The following NRG1 variants were observed in gnomAD, a reference collection of about 807,000 sequenced individuals.
The protein encoded by NRG1 is neuregulin 1, also known as pro-neuregulin-1, membrane-bound isoform.
NRG1 carries 18 observed loss-of-function variants against 63.8 expected under a neutral mutation model. The observed-to-expected ratio is 0.28, with a 90% confidence interval of 0.19 to 0.42. The LOEUF is 0.42. NRG1 is among the 10% of genes least tolerant of loss of function. The pLI, the probability that NRG1 is intolerant of heterozygous loss-of-function variation, is 1.00. For missense variants in NRG1, 762 were observed against 814.7 expected (o/e 0.94, Z 0.79); for synonymous variants, 302 against 301.3 (o/e 1.00, Z -0.02).
At chr8:31,752,082 G>C (rs1816533409) in intron 1 of NRG1, among the ~76,000 whole-genome samples, 1 of 152,008 alleles carries the variant, frequency 6.6e-6, no homozygotes, top group Admixed American at 6.6e-5. Context: ...GCATTGATGA[G>C]AGGTGGAGAA....
intron 1 of NRG1, among the ~76,000 whole-genome samples, chr8:32,565,167 C>T (rs975426484): frequency 1.3e-5 from 2 of 152,290 alleles, no homozygotes; most frequent in Non-Finnish European, 2.9e-5. Context: ...TCATGCATTC[C>T]TTTTTCTTTA....
chr8:32,479,548 A>T (rs1824964182), intron 1 of NRG1, among the ~76,000 whole-genome samples: 1 of 152,190 alleles, frequency 6.6e-6, no homozygotes, highest in African/African-American at 2.4e-5. Context: ...TTCAAAGAAA[A>T]GGAGAGAGTA....
intron 1 of NRG1, among the ~76,000 whole-genome samples, chr8:32,013,949 G>A (rs1166806465): frequency 6.6e-6 from 1 of 152,090 alleles, no homozygotes; most frequent in Non-Finnish European, 1.5e-5. Flanking sequence ...CTCAAAATAG[G>A]AAAAATTGTG....
intron 1 of NRG1, among the ~76,000 whole-genome samples, chr8:31,765,152 AAC>A (rs970740818): frequency 6.6e-6 from 1 of 152,114 alleles, no homozygotes; most frequent in Non-Finnish European, 1.5e-5. Context: ...AGTATATAGA[AAC>A]ACAATTTATT....
At chr8:32,024,009 G>A (rs1219526094) in intron 1 of NRG1, among the ~76,000 whole-genome samples, 5 of 152,098 alleles carry the variant, frequency 3.3e-5, no homozygotes, top group East Asian at 1.9e-4. Context: ...AACATTATGC[G>A]GCCAAGAGGT....
chr8:32,482,065 G>A (rs11783786), intron 1 of NRG1, among the ~76,000 whole-genome samples: 26,784 of 152,076 alleles, frequency 0.18, 2,544 homozygotes, highest in Non-Finnish European at 0.19. Context: ...AAATGATGAC[G>A]CTGTATGAGT....
At chr8:32,246,246 G>C (rs972242053) in intron 1 of NRG1, among the ~76,000 whole-genome samples, 9 of 152,130 alleles carry the variant, frequency 5.9e-5, no homozygotes, top group African/African-American at 1.9e-4. Flanking sequence ...AGAGAAAATA[G>C]AAAGAAGTTT....
At chr8:31,864,280 T>C (rs1828743784) in intron 1 of NRG1, among the ~76,000 whole-genome samples, 1 of 152,188 alleles carries the variant, frequency 6.6e-6, no homozygotes, top group African/African-American at 2.4e-5. Context: ...ACAAAAGACA[T>C]GGTCCTTCCC....
At chr8:31,678,369 C>A (rs1807946997) in intron 1 of NRG1, among the ~76,000 whole-genome samples, 3 of 152,090 alleles carry the variant, frequency 2.0e-5, no homozygotes, top group Admixed American at 2.0e-4. Context: ...TTGGTTTGAC[C>A]TAATTTCCCC....
chr8:32,716,038 G>A (rs1819130771), intron 5 of NRG1, among the ~76,000 whole-genome samples: 1 of 152,096 alleles, frequency 6.6e-6, no homozygotes, highest in South Asian at 2.1e-4. Flanking sequence ...CTGCTTAGAG[G>A]CATCACTACA....
chr8:32,232,186 G>T (rs531598041), intron 1 of NRG1, among the ~76,000 whole-genome samples: 1 of 152,216 alleles, frequency 6.6e-6, no homozygotes, highest in African/African-American at 2.4e-5. Flanking sequence ...TTACAGGTGT[G>T]AGCCACTGCA....
At chr8:32,746,867 CTTTT>C (rs376346951) in intron 7 of NRG1, among the ~76,000 whole-genome samples, 6 of 127,286 alleles carry the variant, frequency 4.7e-5, no homozygotes, top group Non-Finnish European at 5.0e-5. Context: ...GTGTATTCTG[CTTTT>C]TTTTTTTTTT....
intron 1 of NRG1, among the ~76,000 whole-genome samples, chr8:32,094,691 A>G (rs1038858986): frequency 3.3e-5 from 5 of 152,098 alleles, no homozygotes; most frequent in Non-Finnish European, 5.9e-5. Flanking sequence ...ATTCAAGTCC[A>G]TTGTTTGTCT....
At chr8:32,210,991 A>G (rs1586115842) in intron 1 of NRG1, among the ~76,000 whole-genome samples, 1 of 152,214 alleles carries the variant, frequency 6.6e-6, no homozygotes, top group East Asian at 1.9e-4. Flanking sequence ...TGCTCACAAT[A>G]TTAATACACC....
chr8:32,129,384 A>G (rs117578079), intron 1 of NRG1, among the ~76,000 whole-genome samples: 1,716 of 152,052 alleles, frequency 0.011, 20 homozygotes, highest in Middle Eastern at 0.037. Context: ...GGTGGCGATC[A>G]GTCCTTTGCA....
At chr8:31,968,231 T>TCA (rs1806687942) in intron 1 of NRG1, among the ~76,000 whole-genome samples, 1 of 152,176 alleles carries the variant, frequency 6.6e-6, no homozygotes, top group African/African-American at 2.4e-5. Context: ...TTTTCAAATA[T>TCA]CATACACTGA....
chr8:31,952,604 T>G (rs1001226387), intron 1 of NRG1, among the ~76,000 whole-genome samples: 1 of 152,284 alleles, frequency 6.6e-6, no homozygotes, highest in South Asian at 2.1e-4. Context: ...AACAAACAAC[T>G]GTTACATTTG....
intron 1 of NRG1, among the ~76,000 whole-genome samples, chr8:31,769,785 T>C (rs930143059): frequency 6.6e-6 from 1 of 152,098 alleles, no homozygotes; most frequent in Non-Finnish European, 1.5e-5. Flanking sequence ...AACCAAGTTG[T>C]ATGGATCTTT....
At chr8:32,129,858 C>G (rs945704889) in intron 1 of NRG1, among the ~76,000 whole-genome samples, 1 of 151,714 alleles carries the variant, frequency 6.6e-6, no homozygotes, top group Non-Finnish European at 1.5e-5. Flanking sequence ...GCTATTTATC[C>G]CAAATAGAAA....
Sources: gnomAD v4.1 joint callset for allele counts (sites outside exome capture counted in the v4.1 genomes callset) on GRCh38, gnomAD v4.1.1 for gene constraint, MANE v1.5 for transcripts, NCBI Gene and HGNC (gene_info 2026-07-23, HGNC 2026-07-21) for gene names.